Variants in EXOC4 observed in about 807,000 individuals in gnomAD.
The protein encoded by EXOC4 is SEC8-like 1.
In EXOC4, 71 loss-of-function variants were observed where a neutral mutation model predicts 107.2. The ratio of observed to expected loss-of-function variants is 0.66; its 90% CI spans 0.55 to 0.81. The LOEUF (loss-of-function observed/expected upper bound fraction) is 0.81, where lower values mean the gene tolerates loss of function less well. Ranked by LOEUF, EXOC4 falls within the 30% of genes least tolerant of loss-of-function variation. The probability of loss-of-function intolerance (pLI) is 0.00; values close to 1 mark genes in which losing one functional copy is unlikely to be tolerated. For missense variants in EXOC4, 1,108 were observed against 1,189.6 expected (o/e 0.93, Z 1.01); for synonymous variants, 456 against 441.2 (o/e 1.03, Z -0.42).
intron 9 of EXOC4, among the ~76,000 whole-genome samples, chr7:133,588,894 GTGTATATATGTA>G (rs1260769138): frequency 6.6e-6 from 1 of 151,804 alleles, no homozygotes; most frequent in Admixed American, 6.6e-5. Context: ...GTGTGTGTGT[GTGTATATATGTA>G]TGTGTATATA....
chr7:133,999,387 T>G (rs1274890173), intron 15 of EXOC4, among the ~76,000 whole-genome samples: 1 of 152,192 alleles, frequency 6.6e-6, no homozygotes, highest in East Asian at 1.9e-4. Context: ...ACTTCCTTAT[T>G]GCTTGTGAGA....
intron 17 of EXOC4, among the ~76,000 whole-genome samples, chr7:134,061,367 T>C (rs1387989125): frequency 6.6e-6 from 1 of 152,244 alleles, no homozygotes; most frequent in African/African-American, 2.4e-5. Context: ...CTGATGCGTT[T>C]AGGTCCTTGG....
intron 9 of EXOC4, among the ~76,000 whole-genome samples, chr7:133,607,280 T>C (rs1801971100): frequency 6.6e-6 from 1 of 152,180 alleles, no homozygotes; most frequent in Non-Finnish European, 1.5e-5. Context: ...GCTGATCAAA[T>C]GATAAAGTGA....
intron 10 of EXOC4, among the ~76,000 whole-genome samples, chr7:133,669,623 T>G (rs1166837582): frequency 6.6e-6 from 1 of 152,254 alleles, no homozygotes; most frequent in African/African-American, 2.4e-5. Context: ...GATATGTCCC[T>G]TGACCCTGAA....
In EXOC4 at chr7:133,267,269, GAGT is replaced by G. The variant is rs983798844; in HGVS notation, c.87-7711_87-7709del. ...CCCGAGTAGTTTCATAGAACACTCA[GAGT>G]AAAAGCTCACAAAGTTGGGCCTGGT... On this transcript the variant is annotated intron_variant, in intron 1 of 17. Coordinates refer to ENST00000253861, the MANE Select transcript of EXOC4 (RefSeq NM_021807.4). Among the ~76,000 whole-genome samples, 172 of 152,262 alleles carry G rather than the reference GAGT, an allele frequency of 1.1e-3. 1 individual carries two copies. Among genetic ancestry groups the G allele is most frequent in the Admixed American group, 0.011 (162 of 15,276 alleles).
chr7:133,553,422 A>G (rs575816462), intron 9 of EXOC4, among the ~76,000 whole-genome samples: 4 of 152,014 alleles, frequency 2.6e-5, no homozygotes, highest in Non-Finnish European at 5.9e-5. Context: ...TTGCTGTACC[A>G]CCTGTCTACT....
chr7:133,417,623 A>G (rs1396236629), intron 7 of EXOC4, among the ~76,000 whole-genome samples: 5 of 152,170 alleles, frequency 3.3e-5, no homozygotes, highest in South Asian at 2.1e-4. Context: ...GGGAACATCT[A>G]TGCCATAGTT....
chr7:133,514,504 C>T (rs1285027190), intron 9 of EXOC4, among the ~76,000 whole-genome samples: 1 of 152,032 alleles, frequency 6.6e-6, no homozygotes, highest in Non-Finnish European at 1.5e-5. Flanking sequence ...TCTTTTTCTC[C>T]ATGTAATTTC....
At chr7:134,012,459 T>C (rs1794792632) in intron 17 of EXOC4, among the ~76,000 whole-genome samples, 1 of 152,222 alleles carries the variant, frequency 6.6e-6, no homozygotes, top group African/African-American at 2.4e-5. Flanking sequence ...GTTTTTGATC[T>C]GAACAATTCA....
intron 10 of EXOC4, among the ~76,000 whole-genome samples, chr7:133,717,040 A>G (rs1470780209): frequency 6.6e-6 from 1 of 152,232 alleles, no homozygotes; most frequent in African/African-American, 2.4e-5. Flanking sequence ...ATAAATTAAG[A>G]AGCAAGAAAT....
chr7:133,674,525 A>G (rs1212165156), intron 10 of EXOC4, among the ~76,000 whole-genome samples: 1 of 152,200 alleles, frequency 6.6e-6, no homozygotes, highest in Non-Finnish European at 1.5e-5. Flanking sequence ...TGATTCACTT[A>G]TATGCCAATA....
chr7:133,863,125 T>A (rs936456693), intron 11 of EXOC4, among the ~76,000 whole-genome samples: 6 of 152,156 alleles, frequency 3.9e-5, no homozygotes, highest in Non-Finnish European at 8.8e-5. Flanking sequence ...CATGGGGAGA[T>A]CTGCACAATT....
chr7:133,401,120 T>A (rs1455214350), intron 7 of EXOC4, among the ~76,000 whole-genome samples: 2 of 152,130 alleles, frequency 1.3e-5, no homozygotes, highest in Non-Finnish European at 2.9e-5. Context: ...AGAATCTTAG[T>A]TACCATTACC....
intron 10 of EXOC4, among the ~76,000 whole-genome samples, chr7:133,639,524 C>T (rs561311615): frequency 7.2e-5 from 11 of 151,996 alleles, no homozygotes; most frequent in Non-Finnish European, 1.6e-4. Context: ...ATGCTATTTT[C>T]TCAGGACTTT....
chr7:133,771,596 G>T (rs887737217), intron 10 of EXOC4: 1 of 151,970 alleles, frequency 6.6e-6, no homozygotes, highest in Non-Finnish European at 1.5e-5. Context: ...TCCGTGGTAT[G>T]GCAAAATGAG....
At chr7:133,707,087 T>A (rs1794784682) in intron 10 of EXOC4, among the ~76,000 whole-genome samples, 1 of 152,178 alleles carries the variant, frequency 6.6e-6, no homozygotes, top group African/African-American at 2.4e-5. Context: ...TTTTGCCTGT[T>A]CTTCTTTAAG....
At chr7:133,729,210 TA>T (rs1795275836) in intron 10 of EXOC4, among the ~76,000 whole-genome samples, 1 of 152,196 alleles carries the variant, frequency 6.6e-6, no homozygotes, top group African/African-American at 2.4e-5. Flanking sequence ...AGTTGCGAAC[TA>T]AAAACTTGAG....
At chr7:134,066,463 C>T (rs947982047), downstream of EXOC4, 4 of 152,200 alleles carry the variant, frequency 2.6e-5, no homozygotes, top group Admixed American at 6.5e-5. Flanking sequence ...AAAGTGAAAT[C>T]TCTGCTTTGC....
intron 14 of EXOC4, among the ~76,000 whole-genome samples, chr7:133,941,232 C>T (rs555770772): frequency 8.8e-4 from 134 of 152,026 alleles, no homozygotes; most frequent in Middle Eastern, 3.4e-3. Flanking sequence ...CTCCTGATCT[C>T]GTGATCCGCC....
Sources: allele counts gnomAD v4.1 joint callset (sites outside exome capture counted in the v4.1 genomes callset), GRCh38; gene constraint gnomAD v4.1.1; transcripts MANE v1.5; gene names NCBI Gene and HGNC (gene_info 2026-07-23, HGNC 2026-07-21).